The following TMEM254 variants were observed in gnomAD, a reference collection of about 807,000 sequenced individuals.
TMEM254 encodes transmembrane protein 254, also known as transmembrane protein C10orf57.
TMEM254 carries 16 observed loss-of-function variants against 13.9 expected under a neutral mutation model. That is an observed-to-expected ratio of 1.15 (90% confidence interval 0.78 to 1.75). TMEM254 has a LOEUF of 1.75. Ranked by LOEUF, TMEM254 falls within the 40% of genes most tolerant of loss-of-function variation. The pLI, the probability that TMEM254 is intolerant of heterozygous loss-of-function variation, is 0.00. For synonymous variants in TMEM254, 61 were observed against 56.4 expected (o/e 1.08, Z -0.36); for missense variants, 155 against 149.0 (o/e 1.04, Z -0.21).
At chr10:80,079,056 G>T in intron 1 of TMEM254, 1 of 1,477,704 alleles carries the variant, frequency 6.8e-7, no homozygotes, top group South Asian at 1.2e-5. Context: ...GGAGCTCCCA[G>T]CCAACTCTGT....
At chr10:80,089,679 G>C (rs1488411428) in intron 3 of TMEM254, among the ~76,000 whole-genome samples, 1 of 65,036 alleles carries the variant, frequency 1.5e-5, no homozygotes, top group African/African-American at 4.7e-5. Flanking sequence ...CCCCATCTCT[G>C]GGGGGGTTGG....
At chr10:80,082,576 G>C (rs770337238) in intron 3 of TMEM254, among the ~76,000 whole-genome samples, 12 of 152,072 alleles carry the variant, frequency 7.9e-5, no homozygotes, top group Non-Finnish European at 1.8e-4. Flanking sequence ...TTTTACAATT[G>C]AGCCACCTGA....
intron 3 of TMEM254, among the ~76,000 whole-genome samples, chr10:80,082,551 G>A (rs1371117793): frequency 6.6e-6 from 1 of 152,166 alleles, no homozygotes; most frequent in Non-Finnish European, 1.5e-5. Context: ...CTAGGCCGAT[G>A]ACTCACAATC....
At chr10:80,088,743 G>A (rs1262801469) in intron 3 of TMEM254, among the ~76,000 whole-genome samples, 17 of 146,890 alleles carry the variant, frequency 1.2e-4, no homozygotes, top group Admixed American at 1.0e-3. Context: ...ACTCCAGCCT[G>A]GGCGACAGAG....
At position 80,090,919 on chromosome 10, in the gene TMEM254, GT is replaced by G. The variant is rs749154353; in HGVS notation, c.*4del. 2 of 1,613,356 alleles carry G rather than the reference GT, an allele frequency of 1.2e-6. No individual in the cohort carries two copies. Among genetic ancestry groups the G allele is most frequent in the African/African-American group, 2.7e-5 (2 of 74,892 alleles). ...CGGAAGCGCCAAAAACAAACTTGAA[GT>G]TGTCTGAAAGCTTGCTCTACACTTT... is the stretch of plus-strand genomic sequence containing the variant. On this transcript the variant is annotated 3_prime_UTR_variant, in exon 4 of 4. Coordinates refer to ENST00000372281, the MANE Select transcript of TMEM254 (RefSeq NM_025125.4).
chr10:80,081,783 AC>A (rs1191058672), intron 1 of TMEM254, 57 bp from the exon 2 acceptor site: 1 of 1,609,248 alleles, frequency 6.2e-7, no homozygotes, highest in Non-Finnish European at 8.5e-7. Flanking sequence ...AAAAACAAAA[AC>A]AAAAAACAGG....
Position 80,081,919 on chromosome 10 carries a change from C to A in TMEM254, c.166C>A (p.His56Asn), listed in dbSNP as rs138037818. The stretch of plus-strand genomic sequence containing the variant: ...CCCCTTCACTCAGTACTTGGTGGAC[C>A]ACCATCACACCCTCCTGTGCAATGG... ...LGPFTQYLVD[H>N]HHTLLCNGYW... is the part of the protein sequence containing the mutation. The change falls in exon 2 of 4, where the codon CAC (histidine) becomes AAC (asparagine). Residue 56 changes from histidine to asparagine, a missense_variant. By Grantham distance (68) the His-to-Asn change is moderately conservative (BLOSUM62 1). Transcript: ENST00000372281. 1.4e-4 allele frequency: 221 copies of A among 1,614,078 alleles called. 1 individual carries two copies. In the African/African-American group the frequency reaches 2.6e-3, roughly 19 times the overall value.
chr10:80,090,412 A>G (rs1305961770), intron 3 of TMEM254: 2 of 717,488 alleles, frequency 2.8e-6, no homozygotes, highest in Non-Finnish European at 5.2e-6. Flanking sequence ...ATTCTGAGTG[A>G]TTTGCCCAGG....
chr10:80,089,849 C>T, intron 3 of TMEM254, among the ~76,000 whole-genome samples: 1 of 151,214 alleles, frequency 6.6e-6, no homozygotes, highest in East Asian at 2.0e-4. Context: ...TAAAGAAATA[C>T]AAAAAATTAG....
intron 1 of TMEM254, chr10:80,079,382 C>G (rs1390888883): frequency 5.3e-6 from 6 of 1,140,376 alleles, no homozygotes; most frequent in Non-Finnish European, 6.5e-6. Flanking sequence ...CTCACCTCTG[C>G]ATGGTTACTA....
At chr10:80,085,656 G>T (rs1235267244) in intron 3 of TMEM254, among the ~76,000 whole-genome samples, 1 of 152,056 alleles carries the variant, frequency 6.6e-6, no homozygotes, top group Non-Finnish European at 1.5e-5. Context: ...ATTAAAAAGG[G>T]TATCTAGCCA....
chr10:80,078,872 CG>C (rs1481217223), intron 1 of TMEM254, 86 bp downstream of exon 1: 3 of 1,533,322 alleles, frequency 2.0e-6, no homozygotes, highest in Admixed American at 2.0e-5. Context: ...GGCCGCGGGC[CG>C]GGGGAAGTCG....
intron 3 of TMEM254, among the ~76,000 whole-genome samples, chr10:80,087,441 G>A (rs1044810785): frequency 1.3e-5 from 2 of 149,404 alleles, no homozygotes; most frequent in East Asian, 2.0e-4. Context: ...TTAGGAGTGC[G>A]ATACCAGCCT....
chr10:80,086,262 T>C (rs1844308346), intron 3 of TMEM254: 1 of 1,475,390 alleles, frequency 6.8e-7, no homozygotes, highest in African/African-American at 1.5e-5. Flanking sequence ...GATAAAGGTA[T>C]GTGAATGAGA....
intron 1 of TMEM254, chr10:80,079,361 G>C: frequency 2.5e-6 from 3 of 1,176,762 alleles, no homozygotes; most frequent in Non-Finnish European, 3.2e-6. Flanking sequence ...TAGTGTTCCT[G>C]TCTTTGGGTC....
At chr10:80,090,326 A>G (rs919173635) in intron 3 of TMEM254, 6 of 716,632 alleles carry the variant, frequency 8.4e-6, no homozygotes, top group African/African-American at 5.2e-5. Context: ...GTATTATCCC[A>G]TAAATCATCT....
intron 1 of TMEM254, 78 bp downstream of exon 1, chr10:80,078,864 C>G: frequency 1.3e-6 from 2 of 1,534,580 alleles, no homozygotes; most frequent in South Asian, 1.2e-5. Flanking sequence ...GGCTCACAGG[C>G]CGCGGGCCGG....
At chr10:80,080,449 A>G (rs1285401551) in intron 1 of TMEM254, among the ~76,000 whole-genome samples, 1 of 152,208 alleles carries the variant, frequency 6.6e-6, no homozygotes, top group Non-Finnish European at 1.5e-5. Context: ...TCACAACCTT[A>G]TCTCACTTAT....
intron 3 of TMEM254, 112 bp downstream of exon 3, chr10:80,082,316 A>G (rs1252836428): frequency 7.8e-7 from 1 of 1,287,110 alleles, no homozygotes; most frequent in Non-Finnish European, 1.1e-6. Context: ...TTCTCAGGGT[A>G]GAGCGGAATC....
Sources: allele counts gnomAD v4.1 joint callset (sites outside exome capture counted in the v4.1 genomes callset), GRCh38; gene constraint gnomAD v4.1.1; transcripts MANE v1.5; gene names NCBI Gene and HGNC (gene_info 2026-07-23, HGNC 2026-07-21).